NRXN3: variants seen among roughly 807,000 people sequenced by gnomAD.
NRXN3 encodes the protein neurexin III.
NRXN3 carries 32 observed loss-of-function variants against 137.6 expected under a neutral mutation model. That is an observed-to-expected ratio of 0.23 (90% CI 0.18 to 0.31). NRXN3 has a LOEUF of 0.31. Ranked by LOEUF, NRXN3 falls within the 10% of genes least tolerant of loss-of-function variation. The pLI, the probability that NRXN3 is intolerant of heterozygous loss-of-function variation, is 1.00. For missense variants in NRXN3, 1,574 were observed against 2,062.5 expected (o/e 0.76, Z 4.59); for synonymous variants, 798 against 784.5 (o/e 1.02, Z -0.29).
chr14:79,204,460 G>A (rs541983264), intron 15 of NRXN3, among the ~76,000 whole-genome samples: 37 of 152,054 alleles, frequency 2.4e-4, no homozygotes, highest in African/African-American at 8.7e-4. Context: ...ATTAGTATAG[G>A]TAGCATCCAG....
intron 16 of NRXN3, among the ~76,000 whole-genome samples, chr14:79,504,674 T>TATATAA (rs1464757508): frequency 2.0e-4 from 29 of 143,454 alleles, no homozygotes; most frequent in Non-Finnish European, 3.8e-4. Flanking sequence ...TATATATATA[T>TATATAA]AAAACATTAC....
chr14:78,207,551 A>G (rs1234482249), intron 1 of NRXN3, among the ~76,000 whole-genome samples: 1 of 152,136 alleles, frequency 6.6e-6, no homozygotes, highest in African/African-American at 2.4e-5. Context: ...TTGTTCTTAC[A>G]ATATTGAATC....
intron 15 of NRXN3, among the ~76,000 whole-genome samples, chr14:79,042,633 T>C (rs907366531): frequency 1.3e-5 from 2 of 152,244 alleles, no homozygotes; most frequent in Non-Finnish European, 2.9e-5. Context: ...TATTAAATGT[T>C]AATTTTGAAA....
At chr14:78,325,305 C>T (rs1400142323) in intron 4 of NRXN3, among the ~76,000 whole-genome samples, 1 of 151,918 alleles carries the variant, frequency 6.6e-6, no homozygotes, top group East Asian at 1.9e-4. Context: ...TTGCATAGGA[C>T]TATCCCTTCC....
chr14:78,375,097 A>G (rs2087572306), intron 4 of NRXN3, among the ~76,000 whole-genome samples: 1 of 152,226 alleles, frequency 6.6e-6, no homozygotes, highest in African/African-American at 2.4e-5. Context: ...TTCATACTTC[A>G]TGGTAGCAAG....
chr14:79,481,938 G>T (rs2153639196), intron 16 of NRXN3, among the ~76,000 whole-genome samples: 1 of 152,228 alleles, frequency 6.6e-6, no homozygotes, highest in Admixed American at 6.5e-5. Flanking sequence ...GTGGGCCCAG[G>T]TGGGGGACAT....
chr14:78,327,501 CTTA>C (rs2080249137), intron 4 of NRXN3, among the ~76,000 whole-genome samples: 3 of 152,178 alleles, frequency 2.0e-5, no homozygotes, highest in Admixed American at 2.0e-4. Context: ...ATTTACCCTA[CTTA>C]TTATTTATAG....
chr14:79,355,688 A>C (rs1368803113), intron 15 of NRXN3, among the ~76,000 whole-genome samples: 2 of 152,086 alleles, frequency 1.3e-5, no homozygotes, highest in Non-Finnish European at 2.9e-5. Context: ...AATATTAATG[A>C]TTTTCTTGGC....
intron 15 of NRXN3, among the ~76,000 whole-genome samples, chr14:79,035,837 T>C (rs1183106646): frequency 1.3e-5 from 2 of 152,106 alleles, no homozygotes; most frequent in African/African-American, 2.4e-5. Flanking sequence ...TCTCAATTTA[T>C]TTTTGTTTGT....
intron 10 of NRXN3, among the ~76,000 whole-genome samples, chr14:78,920,763 A>C (rs1394054854): frequency 6.6e-6 from 1 of 152,136 alleles, no homozygotes; most frequent in East Asian, 1.9e-4. Flanking sequence ...CATGTTCTTT[A>C]TTTGCAATTA....
chr14:79,836,594 A>G (rs1269168847), intron 20 of NRXN3, among the ~76,000 whole-genome samples: 1 of 152,196 alleles, frequency 6.6e-6, no homozygotes, highest in Non-Finnish European at 1.5e-5. Context: ...AGAGCTGCTT[A>G]CAGCTTCAGA....
At chr14:79,752,574 G>A (rs1438527923) in intron 19 of NRXN3, among the ~76,000 whole-genome samples, 2 of 152,012 alleles carry the variant, frequency 1.3e-5, no homozygotes, top group Non-Finnish European at 2.9e-5. Context: ...AATTCAAGAT[G>A]GATTAAAGAC....
intron 19 of NRXN3, among the ~76,000 whole-genome samples, chr14:79,769,035 G>T (rs1337166190): frequency 1.3e-5 from 2 of 151,966 alleles, no homozygotes; most frequent in African/African-American, 4.8e-5. Flanking sequence ...AATGGAAGAT[G>T]AAATGAATGA....
intron 19 of NRXN3, among the ~76,000 whole-genome samples, chr14:79,717,836 G>T (rs2098828818): frequency 6.6e-6 from 1 of 152,112 alleles, no homozygotes; most frequent in African/African-American, 2.4e-5. Flanking sequence ...GAAGGGGTTT[G>T]ACTTTGAATC....
Position 79,775,199 on chromosome 14 carries a change from G to A in NRXN3, c.4015-29913G>A, listed in dbSNP as rs557579121. On this transcript the variant is annotated intron_variant, in intron 19 of 20. Coordinates refer to ENST00000335750, the MANE Select transcript of NRXN3 (RefSeq NM_001330195.2). ...ATTTAGCTGGCTTTTATATACGAAT[G>A]TGCATAGTACTGTTTTGTATTAAAT... Among the ~76,000 whole-genome samples the A allele has an allele frequency of 3.9e-3, 591 of 152,170 alleles. 2 individuals carry two copies. The highest frequency in any genetic ancestry group is 6.6e-3 in the Non-Finnish European group (452 of 68,004).
At chr14:79,243,744 CT>C (rs2074691046) in intron 15 of NRXN3, among the ~76,000 whole-genome samples, 1 of 151,950 alleles carries the variant, frequency 6.6e-6, no homozygotes, top group Admixed American at 6.6e-5. Context: ...TTTTGTGTGT[CT>C]GGATATATCT....
At chr14:78,351,869 T>TA (rs770992435) in intron 4 of NRXN3, among the ~76,000 whole-genome samples, 2 of 151,900 alleles carry the variant, frequency 1.3e-5, no homozygotes. Flanking sequence ...TTGTATTTTT[T>TA]ATGCCTTATT....
chr14:79,323,873 T>C (rs2090454871), intron 15 of NRXN3, among the ~76,000 whole-genome samples: 1 of 152,080 alleles, frequency 6.6e-6, no homozygotes, highest in African/African-American at 2.4e-5. Context: ...AAAAAAATTA[T>C]ATAGTATAAT....
At chr14:78,693,843 T>C (rs775141388) in intron 6 of NRXN3, among the ~76,000 whole-genome samples, 2 of 151,898 alleles carry the variant, frequency 1.3e-5, no homozygotes, top group African/African-American at 2.4e-5. Flanking sequence ...TTAAAACTTC[T>C]ACATCAGCTG....
Sources: allele counts gnomAD v4.1 joint callset (sites outside exome capture counted in the v4.1 genomes callset), GRCh38; gene constraint gnomAD v4.1.1; transcripts MANE v1.5; gene names NCBI Gene and HGNC (gene_info 2026-07-23, HGNC 2026-07-21).